The following RTTN variants were observed in gnomAD, a reference collection of about 807,000 sequenced individuals.
RTTN encodes the protein rotatin.
Under a neutral mutation model 269.2 loss-of-function variants are expected in RTTN, and 182 were observed. The observed-to-expected ratio is 0.68, with a 90% CI of 0.60 to 0.76. The LOEUF (loss-of-function observed/expected upper bound fraction) is 0.76, where lower values mean the gene tolerates loss of function less well. Among genes scored for constraint, RTTN ranks in the 30% least tolerant of loss-of-function variants. RTTN has a pLI of 0.00. For missense variants in RTTN, 2,545 were observed against 2,608.6 expected (o/e 0.98, Z 0.53); for synonymous variants, 1,006 against 963.5 (o/e 1.04, Z -0.82).
Position 70,150,063 on chromosome 18 carries a change from G to C in RTTN, c.2080C>G (p.Leu694Val). ...AATCGTCCCTGAAGCAGGTATAACA[G>C]AATGGCCTTGGCAGCAGTGTTCACC... ...SEVNTAAKAI[L>V]LYLLQGRLMM... The change falls in exon 16 of 49, where the codon CTG (leucine) becomes GTG (valine). Residue 694 changes from leucine (L) to valine (V), a missense_variant. By Grantham distance (32) the Leu-to-Val change is conservative (BLOSUM62 1). Coordinates refer to ENST00000640769, the MANE Select transcript of RTTN (RefSeq NM_173630.4). 6.2e-7 allele frequency: 1 copy of C among 1,613,088 alleles called. No individual in the cohort carries two copies. Among genetic ancestry groups the C allele is most frequent in the Non-Finnish European group, 8.5e-7 (1 of 1,179,232 alleles).
intron 11 of RTTN, among the ~76,000 whole-genome samples, chr18:70,170,141 C>T (rs578229120): frequency 2.6e-5 from 4 of 151,440 alleles, no homozygotes; most frequent in South Asian, 4.2e-4. Context: ...TTTTTGTGGG[C>T]GGGGGAGGAA....
intron 23 of RTTN, chr18:70,130,288 A>T (rs566261099): frequency 6.6e-6 from 1 of 152,170 alleles, no homozygotes; most frequent in South Asian, 2.1e-4. Flanking sequence ...TATATATCCA[A>T]AAGAAAGGAA....
At chr18:70,112,319 T>C (rs1037243258) in intron 27 of RTTN, among the ~76,000 whole-genome samples, 9 of 151,966 alleles carry the variant, frequency 5.9e-5, no homozygotes, top group African/African-American at 2.2e-4. Context: ...TAACCTTAAA[T>C]GTAAACGGGC....
At position 70,042,366 on chromosome 18, in the gene RTTN, C is replaced by CTTT. The variant is rs1017125527; in HGVS notation, c.5541+5602_5541+5604dup. On this transcript the variant is annotated intron_variant, in intron 40 of 48. Transcript: ENST00000640769. The stretch of plus-strand genomic sequence containing the variant: ...GGAATTCTAAGGGCTTTGGAATTTT[C>CTTT]TTTTTTTTTTTTTTTTTTTTTTTTT... Among the ~76,000 whole-genome samples, 211 of 78,088 alleles carry CTTT rather than the reference C, an allele frequency of 2.7e-3. 11 individuals carry two copies. The highest frequency in any genetic ancestry group is 6.6e-3 in the African/African-American group (136 of 20,510). The allele number at this position is 78,088 out of a possible 152,430, so 51.2% of individuals were successfully genotyped here.
At chr18:70,134,134 G>A (rs544280440) in intron 23 of RTTN, among the ~76,000 whole-genome samples, 33 of 152,066 alleles carry the variant, frequency 2.2e-4, no homozygotes, top group Admixed American at 8.5e-4. Context: ...TCCAATTGGT[G>A]GGTGAGGGAG....
chr18:70,076,210 AG>A (rs2058426207), intron 32 of RTTN, among the ~76,000 whole-genome samples: 1 of 152,092 alleles, frequency 6.6e-6, no homozygotes, highest in African/African-American at 2.4e-5. Context: ...GCAAAAAGCA[AG>A]CAATGAGGAT....
intron 14 of RTTN, among the ~76,000 whole-genome samples, chr18:70,164,844 T>C (rs933803609): frequency 6.6e-6 from 1 of 151,966 alleles, no homozygotes; most frequent in Non-Finnish European, 1.5e-5. Flanking sequence ...AAATGGAAAA[T>C]CATGTATGCA....
rs373711623 is a variant in RTTN at position 70,054,229 on chromosome 18, A to G, written c.5087T>C (p.Leu1696Ser). The change falls in exon 38 of 49, where the codon TTA becomes TCA. Residue 1696 changes from leucine (L) to serine (S), a missense_variant. By Grantham distance (145) the Leu-to-Ser change is moderately radical (BLOSUM62 -2). Transcript: ENST00000640769. ...SSLSRLLQSC[L>S]LVEPDLVIQD... ...AATCACAAGGTCAGGCTCCACCAAT[A>G]AACATGACTGCAGAAGCCTGGACAA... is the stretch of plus-strand genomic sequence containing the variant. The G allele has an allele frequency of 5.0e-6, 8 of 1,613,938 alleles. No individual in the cohort carries two copies. Among genetic ancestry groups the G allele is most frequent in the African/African-American group, 1.3e-5 (1 of 74,928 alleles).
chr18:70,183,802 T>G (rs1175330673), intron 10 of RTTN, among the ~76,000 whole-genome samples: 8 of 152,108 alleles, frequency 5.3e-5, no homozygotes, highest in Admixed American at 5.2e-4. Flanking sequence ...TTTTTTAAAG[T>G]CTTGAGAAAA....
rs1429423210 is a variant in RTTN at position 70,053,007 on chromosome 18, T to C, written c.5185+1124A>G. 5.3e-5 allele frequency among the ~76,000 whole-genome samples: 8 copies of C among 152,126 alleles called. No homozygotes were observed. The East Asian group carries it at 1.5e-3, about 29-fold the overall frequency. ...AAAGCAAGAGGATCAATAAAAAGCA[T>C]TCACAAGGCAGCCAATAGCAGCCAA... On this transcript the variant is annotated intron_variant, in intron 38 of 48. Coordinates refer to ENST00000640769, the MANE Select transcript of RTTN (RefSeq NM_173630.4).
At chr18:70,191,768 C>G (rs80356342) in intron 8 of RTTN, among the ~76,000 whole-genome samples, 1 of 152,070 alleles carries the variant, frequency 6.6e-6, no homozygotes, top group South Asian at 2.1e-4. Flanking sequence ...AATTATAAAC[C>G]AACTTTGTCG....
At position 70,128,370 on chromosome 18, in the gene RTTN, GT is replaced by G. The variant is rs748063147; in HGVS notation, c.3130del (p.Thr1044LeufsTer7). 1 of 1,611,592 alleles carries G rather than the reference GT, an allele frequency of 6.2e-7. No homozygotes were observed. Among genetic ancestry groups the G allele is most frequent in the Non-Finnish European group, 8.5e-7 (1 of 1,178,476 alleles). On this transcript the variant is annotated frameshift_variant, in exon 24 of 49. Coordinates refer to ENST00000640769, the MANE Select transcript of RTTN (RefSeq NM_173630.4). LOFTEE classifies it high-confidence loss of function. ...DNLLKQMNSE[T>X]KTQEILDALK... ...TATAAGAGCTTACTCTTGCGTTTTAGTTTCAGAGTTCATTTGCTTCAACAGA... is the reference window on the plus strand; with the variant it reads ...TATAAGAGCTTACTCTTGCGTTTTAGTTCAGAGTTCATTTGCTTCAACAGA...
At position 70,071,517 on chromosome 18, in the gene RTTN, C is replaced by T. The variant is rs539810854; in HGVS notation, c.4653+2389G>A. Among the ~76,000 whole-genome samples the T allele has an allele frequency of 1.3e-4, 20 of 152,214 alleles. No homozygotes were observed. In the South Asian group the frequency reaches 3.9e-3, roughly 30 times the overall value. Reference sequence around the variant, plus strand: ...AACAGCTATCCATCTTGGATATAAACGTGATTTCGAGAAGAAAAACACCAC... The same window carrying T: ...AACAGCTATCCATCTTGGATATAAATGTGATTTCGAGAAGAAAAACACCAC... On this transcript the variant is annotated intron_variant, in intron 34 of 48. Coordinates refer to ENST00000640769, the MANE Select transcript of RTTN (RefSeq NM_173630.4).
intron 39 of RTTN, among the ~76,000 whole-genome samples, chr18:70,051,207 T>C (rs544748161): frequency 2.6e-5 from 4 of 152,332 alleles, no homozygotes; most frequent in South Asian, 4.1e-4. Context: ...TTATGTTATC[T>C]CAAAATGTGT....
chr18:70,172,765 G>A (rs1056608283), intron 11 of RTTN, among the ~76,000 whole-genome samples: 2 of 151,234 alleles, frequency 1.3e-5, no homozygotes, highest in Admixed American at 6.6e-5. Flanking sequence ...ATTTCTTTTT[G>A]GTTCCTGTCC....
chr18:70,176,930 ATAT>A (rs773581701), intron 10 of RTTN, 85 bp from the exon 11 acceptor site: 35 of 964,094 alleles, frequency 3.6e-5, no homozygotes, highest in Non-Finnish European at 4.6e-5. Context: ...ACAGTTTAAA[ATAT>A]TATCATTTTC....
intron 2 of RTTN, 118 bp downstream of exon 2, chr18:70,205,010 C>A: frequency 1.1e-6 from 1 of 929,648 alleles, no homozygotes; most frequent in Non-Finnish European, 1.7e-6. Flanking sequence ...TTAAACATCT[C>A]TGGTTGATTA....
chr18:70,063,042 T>C (rs1366793335), intron 35 of RTTN, among the ~76,000 whole-genome samples: 2 of 152,248 alleles, frequency 1.3e-5, no homozygotes, highest in Non-Finnish European at 2.9e-5. Context: ...CCATGTTTTA[T>C]AATTACAAAC....
chr18:70,096,925 A>T (rs1299113960), intron 28 of RTTN, among the ~76,000 whole-genome samples: 1 of 152,194 alleles, frequency 6.6e-6, no homozygotes, highest in African/African-American at 2.4e-5. Flanking sequence ...TCAAAAATTT[A>T]AAATTTTAAG....
Sources: gnomAD v4.1 joint callset for allele counts (sites outside exome capture counted in the v4.1 genomes callset) on GRCh38, gnomAD v4.1.1 for gene constraint, MANE v1.5 for transcripts, NCBI Gene and HGNC (gene_info 2026-07-23, HGNC 2026-07-21) for gene names.